Variants in TDRD10 observed in about 807,000 individuals in gnomAD.
TDRD10 encodes tudor domain-containing protein 10.
In TDRD10, 40 loss-of-function variants were observed where a neutral mutation model predicts 48.0. The ratio of observed to expected loss-of-function variants is 0.83; its 90% CI spans 0.65 to 1.09. The LOEUF (loss-of-function observed/expected upper bound fraction) is 1.09, where lower values mean the gene tolerates loss of function less well. Among genes scored for constraint, TDRD10 ranks in the 50% least tolerant of loss-of-function variants. The probability of loss-of-function intolerance (pLI) is 0.00; values close to 1 mark genes in which losing one functional copy is unlikely to be tolerated. For synonymous variants in TDRD10, 162 were observed against 170.4 expected (o/e 0.95, Z 0.38); for missense variants, 378 against 434.7 (o/e 0.87, Z 1.16).
intron 6 of TDRD10, among the ~76,000 whole-genome samples, chr1:154,537,029 GC>G (rs1455351843): frequency 6.6e-6 from 1 of 152,124 alleles, no homozygotes. Flanking sequence ...CCCTGGGGCG[GC>G]CCCCCAGACA....
intron 11 of TDRD10, among the ~76,000 whole-genome samples, chr1:154,545,717 GGCATGAGCT>G (rs1695511297): frequency 6.6e-6 from 1 of 151,510 alleles, no homozygotes; most frequent in East Asian, 1.9e-4. Flanking sequence ...TGGGATGACA[GGCATGAGCT>G]GCCGCGCTTA....
chr1:154,510,388 C>G (rs983855013), intron 4 of TDRD10, among the ~76,000 whole-genome samples: 1 of 151,868 alleles, frequency 6.6e-6, no homozygotes, highest in Non-Finnish European at 1.5e-5. Flanking sequence ...GTCAGGAGAT[C>G]GAGACCATCC....
intron 6 of TDRD10, among the ~76,000 whole-genome samples, chr1:154,536,570 C>T (rs1270422373): frequency 1.3e-5 from 2 of 152,146 alleles, no homozygotes; most frequent in Non-Finnish European, 2.9e-5. Flanking sequence ...TAAAGTGAAC[C>T]CATTTAAGTG....
intron 8 of TDRD10, among the ~76,000 whole-genome samples, chr1:154,543,112 C>T (rs1416757465): frequency 6.6e-6 from 1 of 152,054 alleles, no homozygotes; most frequent in South Asian, 2.1e-4. Flanking sequence ...CCCATCTCTA[C>T]TAAAAATAAA....
intron 4 of TDRD10, chr1:154,509,779 C>G (rs1160329736): frequency 1.0e-6 from 1 of 985,138 alleles, no homozygotes; most frequent in Non-Finnish European, 1.2e-6. Context: ...GCTGGTTTTC[C>G]TCCCCCATTT....
At chr1:154,525,589 C>G (rs1417857942) in intron 6 of TDRD10, among the ~76,000 whole-genome samples, 1 of 151,996 alleles carries the variant, frequency 6.6e-6, no homozygotes, top group African/African-American at 2.4e-5. Context: ...ATTTTAAAAT[C>G]CAAATAGGAA....
chr1:154,522,306 G>A (rs1257864157), intron 6 of TDRD10, among the ~76,000 whole-genome samples: 1 of 152,128 alleles, frequency 6.6e-6, no homozygotes, highest in Non-Finnish European at 1.5e-5. Context: ...GTGTTTCACT[G>A]GATGTCCCCG....
rs1338497193 is a variant in TDRD10, at chr1:154,502,983, GC to G, written c.-73del. 3 of 152,414 alleles carry G rather than the reference GC, an allele frequency of 2.0e-5. No homozygotes were observed. The East Asian group carries it at 5.8e-4, about 29-fold the overall frequency. The allele number at this position is 152,414 out of a possible 1,614,324, so 9.4% of individuals were successfully genotyped here. On this transcript the variant is annotated 5_prime_UTR_variant, in exon 1 of 13. Coordinates refer to ENST00000368482, the MANE Select transcript of TDRD10 (RefSeq NM_182499.4). ...GAGCGCGGAGGGAGAAGGCGCGAAG[GC>G]TGGGCGTCGCGATCGCAGGTGCACG...
intron 6 of TDRD10, among the ~76,000 whole-genome samples, chr1:154,531,197 G>C (rs1288012734): frequency 1.3e-5 from 2 of 152,108 alleles, no homozygotes; most frequent in African/African-American, 2.4e-5. Context: ...TTTGTTTTAA[G>C]GGTGCTTGTC....
intron 3 of TDRD10, 47 bp from the exon 4 acceptor site, chr1:154,508,376 C>G (rs776708150): frequency 7.6e-7 from 1 of 1,309,278 alleles, no homozygotes; most frequent in Non-Finnish European, 1.1e-6. Flanking sequence ...CCTCTGAATC[C>G]TCTAACCGTA....
chr1:154,545,023 A>G, intron 11 of TDRD10, 74 bp downstream of exon 11: 1 of 1,568,294 alleles, frequency 6.4e-7, no homozygotes, highest in Non-Finnish European at 8.6e-7. Flanking sequence ...GGACCTGAAC[A>G]GGAAGCAGCA....
intron 6 of TDRD10, among the ~76,000 whole-genome samples, chr1:154,530,304 C>T (rs529578199): frequency 9.2e-5 from 14 of 152,010 alleles, no homozygotes; most frequent in Admixed American, 2.0e-4. Flanking sequence ...CATGAAGTGT[C>T]TGGCCTAAAA....
chr1:154,538,434 C>T (rs928342900), intron 6 of TDRD10, among the ~76,000 whole-genome samples: 2 of 151,042 alleles, frequency 1.3e-5, no homozygotes, highest in East Asian at 2.0e-4. Flanking sequence ...CCTGTAATCC[C>T]AGCTACTCAG....
Position 154,502,264 on chromosome 1 carries a change from C to G in TDRD10, c.-793C>G, listed in dbSNP as rs1692814652. 2 of 225,516 alleles carry G rather than the reference C, an allele frequency of 8.9e-6. No homozygotes were observed. Among genetic ancestry groups the G allele is most frequent in the African/African-American group, 4.6e-5 (2 of 43,684 alleles). The allele number at this position is 225,516 out of a possible 1,614,324, so 14.0% of individuals were successfully genotyped here. A position where few individuals can be genotyped will look rare whatever the true frequency, so the allele number is the denominator to read the frequency against. ...CCGAGGACACCGTGGCTCTCGGAGG[C>G]GGCGGGCGCCGGGGGCTTCCCCCTG... On this transcript the variant is annotated 5_prime_UTR_variant, in exon 1 of 13. Transcript: ENST00000368482.
At chr1:154,530,267 G>C (rs894267241) in intron 6 of TDRD10, among the ~76,000 whole-genome samples, 2 of 152,062 alleles carry the variant, frequency 1.3e-5, no homozygotes, top group African/African-American at 4.8e-5. Context: ...TGCCCGCCTC[G>C]GTCTCCCAGA....
At chr1:154,535,029 A>G (rs938954415) in intron 6 of TDRD10, among the ~76,000 whole-genome samples, 3 of 152,234 alleles carry the variant, frequency 2.0e-5, no homozygotes, top group African/African-American at 7.2e-5. Context: ...AAGAGAATCC[A>G]CATTGAAGGA....
chr1:154,540,029 T>C (rs1695135837), intron 6 of TDRD10, among the ~76,000 whole-genome samples: 1 of 152,126 alleles, frequency 6.6e-6, no homozygotes, highest in East Asian at 1.9e-4. Flanking sequence ...GGGGCATCCA[T>C]TGGTACAGCC....
chr1:154,538,635 T>C (rs1157990921), intron 6 of TDRD10, among the ~76,000 whole-genome samples: 1 of 149,198 alleles, frequency 6.7e-6, no homozygotes, highest in Non-Finnish European at 1.5e-5. Flanking sequence ...GGGCGGATCA[T>C]GAGGTCAGGA....
intron 4 of TDRD10, among the ~76,000 whole-genome samples, chr1:154,518,664 C>T (rs1243783799): frequency 2.0e-5 from 3 of 152,108 alleles, no homozygotes; most frequent in African/African-American, 4.8e-5. Context: ...CTCCTGACCT[C>T]GTGATCTGCC....
Sources: gnomAD v4.1 joint callset for allele counts (sites outside exome capture counted in the v4.1 genomes callset) on GRCh38, gnomAD v4.1.1 for gene constraint, MANE v1.5 for transcripts, NCBI Gene and HGNC (gene_info 2026-07-23, HGNC 2026-07-21) for gene names.